MRPL3: variants seen among roughly 807,000 people sequenced by gnomAD.
The protein encoded by MRPL3 is mitochondrial ribosomal protein L3.
MRPL3 carries 43 observed loss-of-function variants against 44.3 expected under a neutral mutation model. The observed-to-expected ratio is 0.97, with a 90% CI of 0.76 to 1.25. The LOEUF (loss-of-function observed/expected upper bound fraction) is 1.25. Ranked by LOEUF, MRPL3 falls within the 50% of genes most tolerant of loss-of-function variation. The pLI is 0.00. For missense variants in MRPL3, 406 were observed against 427.6 expected (o/e 0.95, Z 0.45); for synonymous variants, 171 against 152.3 (o/e 1.12, Z -0.91).
chr3:131,482,643 AAT>A (rs1582710817), intron 6 of MRPL3, among the ~76,000 whole-genome samples: 1 of 152,194 alleles, frequency 6.6e-6, no homozygotes, highest in South Asian at 2.1e-4. Flanking sequence ...TATTCCTGAA[AAT>A]ATGAGTTGTT....
intron 7 of MRPL3, among the ~76,000 whole-genome samples, chr3:131,470,617 GACACAC>G (rs370195418): frequency 1.3e-5 from 2 of 150,868 alleles, no homozygotes; most frequent in Non-Finnish European, 3.0e-5. Context: ...ACAGAACTAA[GACACAC>G]ACACACACAC....
rs542196213 is a variant in MRPL3, at chr3:131,474,325, T to C, written c.630-3046A>G. On this transcript the variant is annotated intron_variant, in intron 6 of 9. Coordinates refer to ENST00000264995, the MANE Select transcript of MRPL3 (RefSeq NM_007208.4). ...CAAATAATGTATGATCTCACTTACA[T>C]GTGGAATCTAAAAAATGTTGCTATC... 2.6e-5 allele frequency among the ~76,000 whole-genome samples: 4 copies of C among 152,270 alleles called. No homozygotes were observed. The South Asian group carries it at 8.3e-4, about 32-fold the overall frequency.
chr3:131,465,686 G>T (rs187183808), intron 9 of MRPL3, among the ~76,000 whole-genome samples: 2 of 152,116 alleles, frequency 1.3e-5, no homozygotes, highest in East Asian at 3.9e-4. Flanking sequence ...GTGGGGCTAG[G>T]GATATGAAGA....
chr3:131,468,534 C>T (rs1933672590), intron 8 of MRPL3, among the ~76,000 whole-genome samples: 1 of 152,006 alleles, frequency 6.6e-6, no homozygotes, highest in Admixed American at 6.6e-5. Flanking sequence ...GAAGCCACAA[C>T]CTCACTGATT....
intron 9 of MRPL3, 29 bp downstream of exon 9, chr3:131,468,062 G>T: frequency 8.8e-7 from 1 of 1,141,702 alleles, no homozygotes; most frequent in Non-Finnish European, 1.2e-6. Flanking sequence ...AAAAAAAAAA[G>T]GAAAAAAAAA....
chr3:131,479,430 GT>G (rs1933926731), intron 6 of MRPL3, among the ~76,000 whole-genome samples: 1 of 152,132 alleles, frequency 6.6e-6, no homozygotes, highest in African/African-American at 2.4e-5. Context: ...GAAATTACTG[GT>G]TTAAAAAGCA....
chr3:131,467,243 C>T (rs4854864), intron 9 of MRPL3, among the ~76,000 whole-genome samples: 94 of 69,884 alleles, frequency 1.3e-3, no homozygotes, highest in Non-Finnish European at 3.1e-3. Flanking sequence ...TACGCGCGCA[C>T]ACACACACAC....
intron 4 of MRPL3, among the ~76,000 whole-genome samples, chr3:131,495,231 T>G (rs1934341195): frequency 6.6e-6 from 1 of 152,178 alleles, no homozygotes; most frequent in Non-Finnish European, 1.5e-5. Context: ...TCAATCGATT[T>G]GCATTTTTTC....
At chr3:131,477,845 G>A (rs1415951902) in intron 6 of MRPL3, among the ~76,000 whole-genome samples, 1 of 151,972 alleles carries the variant, frequency 6.6e-6, no homozygotes, top group East Asian at 1.9e-4. Flanking sequence ...CTCTCCACAG[G>A]GTTTTCCTCT....
At chr3:131,499,699 G>A (rs2110716753) in intron 3 of MRPL3, among the ~76,000 whole-genome samples, 1 of 151,976 alleles carries the variant, frequency 6.6e-6, no homozygotes, top group East Asian at 1.9e-4. Context: ...AAGTGATTGG[G>A]GGAGTGATGA....
rs191085668 is a variant in MRPL3, at chr3:131,490,444, G to A, written c.469-364C>T. 7.5e-3 allele frequency among the ~76,000 whole-genome samples: 1,141 copies of A among 152,204 alleles called. 12 individuals are homozygous for A. Among genetic ancestry groups the A allele is most frequent in the Non-Finnish European group, 0.01 (710 of 68,020 alleles). On this transcript the variant is annotated intron_variant, in intron 4 of 9. Transcript: ENST00000264995. ...CCGAAAAATCAACTCTGCCTATTCT[G>A]CACTTATTCTAAACTGGAAGAAAAC...
chr3:131,493,063 C>T (rs914478191), intron 4 of MRPL3, among the ~76,000 whole-genome samples: 2 of 152,206 alleles, frequency 1.3e-5, no homozygotes, highest in African/African-American at 2.4e-5. Flanking sequence ...TCCTGCTGTT[C>T]GCTCTCCCTC....
At chr3:131,471,405 C>G in intron 6 of MRPL3, 126 bp from the exon 7 acceptor site, 1 of 665,684 alleles carries the variant, frequency 1.5e-6, no homozygotes, top group Non-Finnish European at 2.6e-6. Flanking sequence ...ATTTAAATAA[C>G]TAGAAAAGGC....
chr3:131,478,094 A>C (rs1368388270), intron 6 of MRPL3, among the ~76,000 whole-genome samples: 9 of 152,232 alleles, frequency 5.9e-5, no homozygotes, highest in African/African-American at 1.7e-4. Flanking sequence ...TAGAGCTGTA[A>C]TGGCAGAATA....
At chr3:131,501,910 C>A (rs770739631) in intron 1 of MRPL3, 195 bp from the exon 2 acceptor site, 36 of 1,536,120 alleles carry the variant, frequency 2.3e-5, no homozygotes, top group Non-Finnish European at 3.1e-5. Context: ...CACATTTAAA[C>A]TGTTAGTCGT....
chr3:131,495,445 A>G (rs770233597), intron 4 of MRPL3, among the ~76,000 whole-genome samples: 8 of 152,138 alleles, frequency 5.3e-5, no homozygotes, highest in Non-Finnish European at 1.2e-4. Context: ...AAGAAATTTT[A>G]TATCTTGAAG....
At chr3:131,466,188 T>C (rs1311340170) in intron 9 of MRPL3, among the ~76,000 whole-genome samples, 2 of 152,106 alleles carry the variant, frequency 1.3e-5, no homozygotes, top group South Asian at 2.1e-4. Context: ...AATTATTCCC[T>C]ATGCTAGTAA....
intron 4 of MRPL3, 89 bp downstream of exon 4, chr3:131,498,090 T>C (rs1017530879): frequency 2.1e-6 from 2 of 948,884 alleles, no homozygotes; most frequent in Non-Finnish European, 3.4e-6. Flanking sequence ...TGCAAGTTTG[T>C]GGCTGTGGAA....
chr3:131,501,314 C>T (rs1393546107), intron 2 of MRPL3, among the ~76,000 whole-genome samples: 1 of 152,202 alleles, frequency 6.6e-6, no homozygotes, highest in East Asian at 1.9e-4. Context: ...ACCTATAAAA[C>T]AGCTTCTCAA....
Sources: gnomAD v4.1 joint callset for allele counts (sites outside exome capture counted in the v4.1 genomes callset) on GRCh38, gnomAD v4.1.1 for gene constraint, MANE v1.5 for transcripts, NCBI Gene and HGNC (gene_info 2026-07-23, HGNC 2026-07-21) for gene names.